The following PTK2 variants were observed in gnomAD, a reference collection of about 807,000 sequenced individuals.
PTK2 encodes focal adhesion kinase 1.
In PTK2, 45 loss-of-function variants were observed where a neutral mutation model predicts 150.1. That is an observed-to-expected ratio of 0.30 (90% confidence interval 0.24 to 0.38). The LOEUF is 0.38. Ranked by LOEUF, PTK2 falls within the 10% of genes least tolerant of loss-of-function variation. PTK2 has a pLI of 1.00. For synonymous variants in PTK2, 432 were observed against 449.2 expected (o/e 0.96, Z 0.48); for missense variants, 919 against 1,307.3 (o/e 0.70, Z 4.58).
At position 140,950,363 on chromosome 8, in the gene PTK2, T is replaced by A. The variant is rs575507306; in HGVS notation, c.-121-24614A>T. On this transcript the variant is annotated intron_variant, in intron 1 of 31. Coordinates refer to ENST00000522684, the Ensembl canonical transcript of PTK2. Reference sequence around the variant, plus strand: ...TCTGGGCGCCACCTCGTTCCCCTCATCCAGATGCGGGTTTCCACAGCAGAG... The same window carrying A: ...TCTGGGCGCCACCTCGTTCCCCTCAACCAGATGCGGGTTTCCACAGCAGAG... Among the ~76,000 whole-genome samples, 22 of 152,274 alleles carry A rather than the reference T, an allele frequency of 1.4e-4. 1 individual carries two copies. The South Asian group carries it at 4.3e-3, about 30-fold the overall frequency.
intron 2 of PTK2, among the ~76,000 whole-genome samples, chr8:140,902,035 AT>A (rs71308993): frequency 0.97 from 134,116 of 138,072 alleles, 65,140 homozygotes; most frequent in South Asian, 0.99. Flanking sequence ...TATGTGCCAC[AT>A]TTTTTTTTTT....
At chr8:140,710,486 T>C (rs542792009) in intron 23 of PTK2, among the ~76,000 whole-genome samples, 3 of 152,222 alleles carry the variant, frequency 2.0e-5, no homozygotes, top group South Asian at 2.1e-4. Context: ...CTGGTCAACA[T>C]GGTGAAACCC....
intron 12 of PTK2, 26 bp from the exon 13 acceptor site, chr8:140,793,410 A>T (rs758733585): frequency 6.2e-7 from 1 of 1,607,914 alleles, no homozygotes; most frequent in South Asian, 1.1e-5. Flanking sequence ...AAAGAGATGC[A>T]TAAGGCTCTT....
At chr8:140,996,074 T>TAAAACAAAAC (rs200730309) in intron 1 of PTK2, among the ~76,000 whole-genome samples, 1 of 151,762 alleles carries the variant, frequency 6.6e-6, no homozygotes, top group East Asian at 1.9e-4. Flanking sequence ...CTGTGTCTCT[T>TAAAACAAAAC]AAAACAAAAC....
At chr8:140,926,950 T>C (rs2100169674) in intron 1 of PTK2, among the ~76,000 whole-genome samples, 1 of 152,236 alleles carries the variant, frequency 6.6e-6, no homozygotes, top group Admixed American at 6.5e-5. Context: ...TTTTGACATA[T>C]ATACAGAGAT....
intron 5 of PTK2, among the ~76,000 whole-genome samples, chr8:140,862,482 T>TC (rs2100136812): frequency 6.6e-6 from 1 of 152,180 alleles, no homozygotes; most frequent in Non-Finnish European, 1.5e-5. Flanking sequence ...TCTTAATCTT[T>TC]CCATTTTACC....
chr8:140,964,679 C>G (rs956164817), intron 1 of PTK2, among the ~76,000 whole-genome samples: 20 of 150,518 alleles, frequency 1.3e-4, no homozygotes, highest in Non-Finnish European at 1.5e-5. Flanking sequence ...GTGCTAGGAT[C>G]ACAGGCATGT....
chr8:140,746,875 C>A lies in PTK2; in HGVS notation c.1418-15G>T. On this transcript the variant is annotated splice_polypyrimidine_tract_variant and intron_variant, in intron 17 of 31. Coordinates refer to ENST00000522684, the Ensembl canonical transcript of PTK2. ...ACGCATTGTTACTAGGAAAAAAGTT[C>A]TCCATAGTTATTCTTTCTTTTTTTT... The A allele has an allele frequency of 9.8e-6, 14 of 1,432,814 alleles. No individual in the cohort carries two copies. The highest frequency in any genetic ancestry group is 2.4e-5 in the South Asian group (2 of 81,728). 88.8% of individuals were successfully genotyped at this position (1,432,814 alleles called of 1,614,324 possible).
rs111997354 is a variant in PTK2, at chr8:140,661,985, C to G, written c.2947-2307G>C. Among the ~76,000 whole-genome samples, 387 of 152,182 alleles carry G rather than the reference C, an allele frequency of 2.5e-3. 7 individuals carry two copies. Among genetic ancestry groups the G allele is most frequent in the African/African-American group, 8.7e-3 (363 of 41,504 alleles). ...TGAAAGGCAGATGCAGGATCAAAGA[C>G]AGGCTCCTCTTCTTTTCAAAAATGA... On this transcript the variant is annotated intron_variant, in intron 31 of 31. Transcript: ENST00000522684.
At chr8:140,729,086 A>C (rs553215019) in intron 22 of PTK2, among the ~76,000 whole-genome samples, 1 of 152,284 alleles carries the variant, frequency 6.6e-6, no homozygotes, top group African/African-American at 2.4e-5. Context: ...AAAAAAAAGT[A>C]AGAAAATCTG....
chr8:140,853,794 T>C (rs986607700), intron 5 of PTK2, among the ~76,000 whole-genome samples: 1 of 152,244 alleles, frequency 6.6e-6, no homozygotes, highest in East Asian at 1.9e-4. Context: ...ATAAGAGAGT[T>C]AGACTACATT....
chr8:140,775,408 C>T (rs1009605284), intron 14 of PTK2, among the ~76,000 whole-genome samples: 1 of 152,012 alleles, frequency 6.6e-6, no homozygotes, highest in African/African-American at 2.4e-5. Context: ...CTGTTTGAGC[C>T]CGGGAGATGG....
intron 22 of PTK2, among the ~76,000 whole-genome samples, chr8:140,724,220 A>T (rs1366292878): frequency 1.3e-5 from 2 of 152,252 alleles, no homozygotes; most frequent in African/African-American, 4.8e-5. Flanking sequence ...ACAAGTAAAA[A>T]TCACAGTCTA....
At chr8:140,711,782 G>T (rs1486034465) in intron 23 of PTK2, among the ~76,000 whole-genome samples, 1 of 152,154 alleles carries the variant, frequency 6.6e-6, no homozygotes, top group Non-Finnish European at 1.5e-5. Flanking sequence ...AATGTCATCA[G>T]ATCTGAGTGC....
chr8:140,716,750 C>T (rs1214814054), intron 23 of PTK2, among the ~76,000 whole-genome samples: 1 of 152,120 alleles, frequency 6.6e-6, no homozygotes, highest in Non-Finnish European at 1.5e-5. Flanking sequence ...TATTTTTTAA[C>T]TAGTCAAATA....
At chr8:140,963,576 G>GC (rs1234031982) in intron 1 of PTK2, among the ~76,000 whole-genome samples, 1 of 152,114 alleles carries the variant, frequency 6.6e-6, no homozygotes, top group African/African-American at 2.4e-5. Flanking sequence ...TTATTACAGT[G>GC]CCCCCTTCAA....
intron 1 of PTK2, among the ~76,000 whole-genome samples, chr8:140,946,817 T>C (rs568896986): frequency 3.5e-4 from 54 of 152,182 alleles, no homozygotes; most frequent in Non-Finnish European, 6.3e-4. Context: ...CAGACTCTGT[T>C]TGGTCTACTG....
chr8:140,693,402 A>G (rs1490591774), intron 26 of PTK2, among the ~76,000 whole-genome samples: 1 of 151,784 alleles, frequency 6.6e-6, no homozygotes, highest in Non-Finnish European at 1.5e-5. Flanking sequence ...AAAAAAAGTA[A>G]CAAAATTAGC....
chr8:140,816,183 A>C (rs1196477180), intron 10 of PTK2, among the ~76,000 whole-genome samples: 1 of 152,218 alleles, frequency 6.6e-6, no homozygotes, highest in Non-Finnish European at 1.5e-5. Flanking sequence ...TATGCTCACA[A>C]TATAAATTTT....
Sources: gnomAD v4.1 joint callset for allele counts (sites outside exome capture counted in the v4.1 genomes callset) on GRCh38, gnomAD v4.1.1 for gene constraint, MANE v1.5 for transcripts, NCBI Gene and HGNC (gene_info 2026-07-23, HGNC 2026-07-21) for gene names.